KIF6: variants seen among roughly 807,000 people sequenced by gnomAD.
KIF6 encodes kinesin family member 6, also known as kinesin-like protein KIF6.
Under a neutral mutation model 112.7 loss-of-function variants are expected in KIF6, and 106 were observed. The ratio of observed to expected loss-of-function variants is 0.94; its 90% CI spans 0.80 to 1.11. The LOEUF (loss-of-function observed/expected upper bound fraction) is 1.11. Among genes scored for constraint, KIF6 ranks in the 50% least tolerant of loss-of-function variants. The pLI, the probability that KIF6 is intolerant of heterozygous loss-of-function variation, is 0.00. For missense variants in KIF6, 929 were observed against 964.0 expected, an observed-to-expected ratio of 0.96 and a Z score of 0.48; for synonymous variants, 339 against 339.9, an observed-to-expected ratio of 1.00 and a Z score of 0.03.
chr6:39,669,886 T>C (rs1035243447), intron 3 of KIF6, among the ~76,000 whole-genome samples: 2 of 152,236 alleles, frequency 1.3e-5, no homozygotes, highest in Admixed American at 6.5e-5. Context: ...TTGCCAGTGA[T>C]GGCAAACCAC....
chr6:39,404,237 T>C (rs1273872760), intron 15 of KIF6, among the ~76,000 whole-genome samples: 1 of 152,242 alleles, frequency 6.6e-6, no homozygotes, highest in Admixed American at 6.5e-5. Context: ...TTTAAGAACA[T>C]GTTGCGAAAC....
chr6:39,361,029 A>G (rs1240432398), intron 17 of KIF6, among the ~76,000 whole-genome samples: 2 of 152,200 alleles, frequency 1.3e-5, no homozygotes, highest in Non-Finnish European at 1.5e-5. Flanking sequence ...CTAGAACCAC[A>G]GTCTTAACTG....
chr6:39,658,434 C>T (rs1044425237), intron 3 of KIF6, among the ~76,000 whole-genome samples: 5 of 152,160 alleles, frequency 3.3e-5, no homozygotes, highest in East Asian at 1.9e-4. Flanking sequence ...AAAGGAAGTA[C>T]GAGATTTTTA....
intron 14 of KIF6, among the ~76,000 whole-genome samples, chr6:39,429,358 C>G (rs564362770): frequency 6.6e-6 from 1 of 152,274 alleles, no homozygotes; most frequent in African/African-American, 2.4e-5. Context: ...AATTTTCTCT[C>G]TCTTCTTCTC....
At chr6:39,588,928 TTCCACGA>T (rs1365821379) in intron 7 of KIF6, among the ~76,000 whole-genome samples, 1 of 152,202 alleles carries the variant, frequency 6.6e-6, no homozygotes, top group Non-Finnish European at 1.5e-5. Context: ...ACTTTTGCCC[TTCCACGA>T]TCTGTTCTCC....
At chr6:39,596,287 T>A in intron 6 of KIF6, 27 bp from the exon 7 acceptor site, 1 of 1,426,612 alleles carries the variant, frequency 7.0e-7, no homozygotes, top group Non-Finnish European at 9.9e-7. Flanking sequence ...AAACAAAAAT[T>A]ATTTGAACAA....
intron 3 of KIF6, among the ~76,000 whole-genome samples, chr6:39,663,262 G>A (rs1786269824): frequency 6.6e-6 from 1 of 152,158 alleles, no homozygotes; most frequent in Admixed American, 6.5e-5. Context: ...TAGATACAAG[G>A]AAATTTAAAT....
At chr6:39,701,434 C>A (rs959165334) in intron 3 of KIF6, among the ~76,000 whole-genome samples, 1 of 152,220 alleles carries the variant, frequency 6.6e-6, no homozygotes, top group Non-Finnish European at 1.5e-5. Flanking sequence ...AATGCTATTG[C>A]GTGGATGCTG....
At chr6:39,504,260 C>G (rs1052804833) in intron 13 of KIF6, among the ~76,000 whole-genome samples, 1 of 152,116 alleles carries the variant, frequency 6.6e-6, no homozygotes, top group Non-Finnish European at 1.5e-5. Context: ...AAAAATCATA[C>G]GATTATCTCA....
chr6:39,433,531 C>T (rs1771308734), intron 13 of KIF6, among the ~76,000 whole-genome samples: 1 of 152,202 alleles, frequency 6.6e-6, no homozygotes, highest in African/African-American at 2.4e-5. Flanking sequence ...GTGCCAAGGG[C>T]TTATCATCAG....
intron 15 of KIF6, among the ~76,000 whole-genome samples, chr6:39,407,139 G>A (rs970828066): frequency 5.3e-5 from 8 of 151,524 alleles, no homozygotes; most frequent in African/African-American, 1.7e-4. Flanking sequence ...TTTTGTTGCC[G>A]TTTAAGCAGA....
At chr6:39,366,188 T>C (rs115066365) in intron 16 of KIF6, among the ~76,000 whole-genome samples, 3,518 of 152,230 alleles carry the variant, frequency 0.023, 141 homozygotes, top group African/African-American at 0.079. Flanking sequence ...GGGAGTCGCT[T>C]GAGCCCATTC....
chr6:39,336,358 G>T lies in KIF6; in HGVS notation c.*174C>A. ...TCAGCCCCAGCCCCAGCCTCTCGGT[G>T]GCCTCCAGGTCAGCATCCTTAAAGA... On this transcript the variant is annotated 3_prime_UTR_variant, in exon 23 of 23. Coordinates refer to ENST00000287152, the MANE Select transcript of KIF6 (RefSeq NM_145027.6). The T allele has an allele frequency of 1.6e-6, 1 of 636,958 alleles. No homozygotes were observed. The highest frequency in any genetic ancestry group is 2.8e-6 in the Non-Finnish European group (1 of 362,524). The allele number at this position is 636,958 out of a possible 1,614,324, so 39.5% of individuals were successfully genotyped here.
intron 15 of KIF6, among the ~76,000 whole-genome samples, chr6:39,418,771 C>A (rs1266951617): frequency 1.3e-5 from 2 of 152,114 alleles, no homozygotes; most frequent in Non-Finnish European, 2.9e-5. Context: ...GACTGTGGGG[C>A]TCCTGTTTAC....
At chr6:39,498,531 AT>A (rs956894065) in intron 13 of KIF6, among the ~76,000 whole-genome samples, 15 of 151,964 alleles carry the variant, frequency 9.9e-5, no homozygotes, top group African/African-American at 1.7e-4. Context: ...AGGATAGTAG[AT>A]TTTTTTTCCT....
intron 5 of KIF6, among the ~76,000 whole-genome samples, chr6:39,626,227 T>C (rs993018964): frequency 7.2e-5 from 11 of 152,136 alleles, no homozygotes; most frequent in Admixed American, 3.3e-4. Flanking sequence ...TATGAGTCTG[T>C]TCTATTAGAA....
At chr6:39,595,324 G>A (rs1211357239) in intron 7 of KIF6, among the ~76,000 whole-genome samples, 3 of 152,210 alleles carry the variant, frequency 2.0e-5, no homozygotes, top group Non-Finnish European at 2.9e-5. Flanking sequence ...TATAGGCTGT[G>A]AAGCCAAGTA....
chr6:39,342,877 G>C lies in KIF6; in HGVS notation c.2428+832C>G. On this transcript the variant is annotated intron_variant, in intron 22 of 22. Transcript: ENST00000287152. The surrounding 1 kb of genome is among the most constrained non-coding windows in gnomAD (Gnocchi z 4.7). ...TGCACACGGCTGGTGGAGAAGCTGA[G>C]TGCAGGCGCCACAGGGCAGGCATCA... 2 of 985,392 alleles carry C rather than the reference G, an allele frequency of 2.0e-6. No individual in the cohort carries two copies. Among genetic ancestry groups the C allele is most frequent in the Non-Finnish European group, 2.4e-6 (2 of 829,918 alleles). The allele number at this position is 985,392 out of a possible 1,614,324, so 61.0% of individuals were successfully genotyped here. A position where few individuals can be genotyped will look rare whatever the true frequency, so the allele number is the denominator to read the frequency against.
chr6:39,679,420 G>A (rs1275337652), intron 3 of KIF6, among the ~76,000 whole-genome samples: 1 of 152,046 alleles, frequency 6.6e-6, no homozygotes, highest in Non-Finnish European at 1.5e-5. Flanking sequence ...CAAGGAAGAC[G>A]GAAGAAAAGT....
Sources: gnomAD v4.1 joint callset for allele counts (sites outside exome capture counted in the v4.1 genomes callset) on GRCh38, gnomAD v4.1.1 for gene constraint, Gnocchi (gnomAD v3.1) non-coding constraint, MANE v1.5 for transcripts, NCBI Gene and HGNC (gene_info 2026-07-23, HGNC 2026-07-21) for gene names.